Variants in NTM observed in about 807,000 individuals in gnomAD.
NTM encodes neurotrimin, also known as IgLON family member 2.
Under a neutral mutation model 42.1 loss-of-function variants are expected in NTM, and 13 were observed. The ratio of observed to expected loss-of-function variants is 0.31; its 90% CI spans 0.20 to 0.49. The LOEUF is 0.49. Ranked by LOEUF, NTM falls within the 20% of genes least tolerant of loss-of-function variation. NTM has a pLI of 0.99. For synonymous variants in NTM, 187 were observed against 179.2 expected (o/e 1.04, Z -0.35); for missense variants, 373 against 452.8 (o/e 0.82, Z 1.60).
chr11:131,401,908 C>T (rs2135691277), intron 1 of NTM, among the ~76,000 whole-genome samples: 1 of 136,178 alleles, frequency 7.3e-6, no homozygotes, highest in South Asian at 2.4e-4. Flanking sequence ...TAAATTATGA[C>T]TAATGGCCAT....
chr11:131,856,224 T>A (rs1364254433), intron 1 of NTM, among the ~76,000 whole-genome samples: 1 of 152,206 alleles, frequency 6.6e-6, no homozygotes, highest in Non-Finnish European at 1.5e-5. Flanking sequence ...ATCTCACTGC[T>A]ACTGCAGAAA....
chr11:131,976,887 A>C (rs936679585), intron 2 of NTM, among the ~76,000 whole-genome samples: 5 of 152,198 alleles, frequency 3.3e-5, no homozygotes, highest in Non-Finnish European at 5.9e-5. Flanking sequence ...ATTTCTCACA[A>C]CTGTTCCCTA....
chr11:132,194,894 C>T (rs2079929503), intron 3 of NTM, among the ~76,000 whole-genome samples: 1 of 148,290 alleles, frequency 6.7e-6, no homozygotes, highest in South Asian at 2.1e-4. Flanking sequence ...GTAATCTCAG[C>T]TCACTGCAAC....
intron 3 of NTM, among the ~76,000 whole-genome samples, chr11:132,191,516 CA>C (rs1292943876): frequency 1.3e-5 from 2 of 152,150 alleles, no homozygotes; most frequent in African/African-American, 4.8e-5. Context: ...AACATAAAAA[CA>C]AAAAGCCCTA....
chr11:131,743,388 T>G (rs1164691625), intron 1 of NTM, among the ~76,000 whole-genome samples: 1 of 152,156 alleles, frequency 6.6e-6, no homozygotes, highest in Non-Finnish European at 1.5e-5. Flanking sequence ...TTAGAAAGTT[T>G]TCATTAAAAA....
At chr11:132,135,859 A>G (rs1249727774) in intron 2 of NTM, among the ~76,000 whole-genome samples, 1 of 152,148 alleles carries the variant, frequency 6.6e-6, no homozygotes, top group African/African-American at 2.4e-5. Context: ...CATCGAGGTG[A>G]GGGAGGGCTC....
chr11:132,092,846 G>C (rs559478085), intron 2 of NTM, among the ~76,000 whole-genome samples: 12 of 152,232 alleles, frequency 7.9e-5, no homozygotes, highest in African/African-American at 2.9e-4. Context: ...CCTCCATTTT[G>C]ACTTCCCAAA....
At chr11:131,496,093 C>G (rs1342491542) in intron 1 of NTM, among the ~76,000 whole-genome samples, 1 of 152,198 alleles carries the variant, frequency 6.6e-6, no homozygotes, top group Non-Finnish European at 1.5e-5. Context: ...ATGAAGAGCT[C>G]AGAAGGAAAC....
At chr11:131,396,803 C>T (rs1305734918) in intron 1 of NTM, among the ~76,000 whole-genome samples, 4 of 151,496 alleles carry the variant, frequency 2.6e-5, no homozygotes, top group Non-Finnish European at 5.9e-5. Context: ...CACTGCACTC[C>T]AGCCCGGGCA....
chr11:132,237,405 A>G (rs1347814264), intron 4 of NTM, among the ~76,000 whole-genome samples: 1 of 152,044 alleles, frequency 6.6e-6, no homozygotes, highest in Non-Finnish European at 1.5e-5. Context: ...TTTCTGTCAG[A>G]TTCAGGTAGC....
chr11:131,821,520 A>G (rs2093187397), intron 1 of NTM, among the ~76,000 whole-genome samples: 1 of 152,254 alleles, frequency 6.6e-6, no homozygotes, highest in Non-Finnish European at 1.5e-5. Flanking sequence ...CCACAATCAA[A>G]TACTTAACTT....
intron 1 of NTM, among the ~76,000 whole-genome samples, chr11:131,436,976 A>G (rs540103072): frequency 6.6e-6 from 1 of 152,322 alleles, no homozygotes; most frequent in African/African-American, 2.4e-5. Flanking sequence ...AGATTCAGGT[A>G]CGTTGTGTCT....
At position 131,862,175 on chromosome 11, in the gene NTM, A is replaced by G. The variant is rs182854417; in HGVS notation, c.83-49389A>G. Among the ~76,000 whole-genome samples, 613 of 152,286 alleles carry G rather than the reference A, an allele frequency of 4.0e-3. 4 individuals are homozygous for G. Among genetic ancestry groups the G allele is most frequent in the African/African-American group, 0.014 (575 of 41,558 alleles). ...ACTGTCTGAGAATTTTAGCATTGTA[A>G]CTGTCTGAGGAGAGAACAGCCCTGT... On this transcript the variant is annotated intron_variant, in intron 1 of 8. Coordinates refer to ENST00000683400, the MANE Select transcript of NTM (RefSeq NM_001352005.2).
intron 3 of NTM, among the ~76,000 whole-genome samples, chr11:132,201,695 A>C (rs577911928): frequency 5.9e-5 from 9 of 152,362 alleles, no homozygotes; most frequent in South Asian, 4.1e-4. Flanking sequence ...TTTACAGCAA[A>C]CAATTATGCT....
intron 2 of NTM, among the ~76,000 whole-genome samples, chr11:132,113,447 G>A (rs1241808234): frequency 6.6e-6 from 1 of 152,084 alleles, no homozygotes; most frequent in East Asian, 1.9e-4. Context: ...TTCCCTCTAG[G>A]TCTCTTTCAG....
At chr11:131,881,014 C>G (rs551911511) in intron 1 of NTM, among the ~76,000 whole-genome samples, 1 of 152,292 alleles carries the variant, frequency 6.6e-6, no homozygotes, top group South Asian at 2.1e-4. Flanking sequence ...TGTCTACTTT[C>G]TGAATGTGTG....
chr11:131,435,092 A>C (rs935706541), intron 1 of NTM, among the ~76,000 whole-genome samples: 1 of 152,102 alleles, frequency 6.6e-6, no homozygotes, highest in African/African-American at 2.4e-5. Flanking sequence ...TAAAGATCAG[A>C]TGGTTGTAGA....
chr11:131,427,800 T>A (rs1336876980), intron 1 of NTM, among the ~76,000 whole-genome samples: 2 of 152,250 alleles, frequency 1.3e-5, no homozygotes, highest in Non-Finnish European at 2.9e-5. Context: ...GTTGGCATGA[T>A]GGGCCTCCAT....
chr11:131,433,908 A>C (rs1201780203), intron 1 of NTM, among the ~76,000 whole-genome samples: 1 of 152,124 alleles, frequency 6.6e-6, no homozygotes, highest in Non-Finnish European at 1.5e-5. Flanking sequence ...TTAACTCGTC[A>C]TTTACATTAG....
Sources: allele counts gnomAD v4.1 joint callset (sites outside exome capture counted in the v4.1 genomes callset), GRCh38; gene constraint gnomAD v4.1.1; transcripts MANE v1.5; gene names NCBI Gene and HGNC (gene_info 2026-07-23, HGNC 2026-07-21).